The following KDM2A variants were observed in gnomAD, a reference collection of about 807,000 sequenced individuals.
KDM2A encodes the protein lysine-specific demethylase 2A.
In KDM2A, 3 loss-of-function variants were observed where a neutral mutation model predicts 137.3. That is an observed-to-expected ratio of 0.02 (90% confidence interval 0.01 to 0.06). The LOEUF (loss-of-function observed/expected upper bound fraction) is 0.06. KDM2A is among the 10% of genes least tolerant of loss of function. KDM2A has a pLI of 1.00. For synonymous variants in KDM2A, 512 were observed against 541.5 expected, an observed-to-expected ratio of 0.95 and a Z score of 0.76; for missense variants, 738 against 1,510.6, an observed-to-expected ratio of 0.49 and a Z score of 8.48.
intron 17 of KDM2A, 47 bp from the exon 18 acceptor site, chr11:67,252,646 TC>T (rs1230627868): frequency 1.2e-6 from 2 of 1,605,058 alleles, no homozygotes; most frequent in South Asian, 2.2e-5. Flanking sequence ...TGATGGGAGC[TC>T]CACTGATCAA....
chr11:67,194,913 G>A (rs1857441822), intron 5 of KDM2A, among the ~76,000 whole-genome samples: 1 of 152,172 alleles, frequency 6.6e-6, no homozygotes, highest in Non-Finnish European at 1.5e-5. Flanking sequence ...CTGGAGAGTG[G>A]ATGACTTCCT....
chr11:67,230,534 G>A (rs1403477625), intron 11 of KDM2A, among the ~76,000 whole-genome samples: 1 of 151,834 alleles, frequency 6.6e-6, no homozygotes, highest in African/African-American at 2.4e-5. Context: ...GCTATTGTGG[G>A]AGGATTGCTT....
At chr11:67,252,545 A>G (rs1326857422) in intron 17 of KDM2A, 149 bp from the exon 18 acceptor site, 1 of 871,272 alleles carries the variant, frequency 1.1e-6, no homozygotes, top group Non-Finnish European at 1.8e-6. Context: ...CTATTCTGTG[A>G]GGCAAAAAAT....
At chr11:67,150,076 C>T (rs1014255880) in intron 2 of KDM2A, among the ~76,000 whole-genome samples, 2 of 152,122 alleles carry the variant, frequency 1.3e-5, no homozygotes, top group East Asian at 1.9e-4. Flanking sequence ...TTCAACAATT[C>T]GTTGTGTAAT....
chr11:67,164,239 G>C (rs1338694935), intron 2 of KDM2A, among the ~76,000 whole-genome samples: 1 of 152,138 alleles, frequency 6.6e-6, no homozygotes, highest in Non-Finnish European at 1.5e-5. Context: ...TAATCCATTT[G>C]TTCTTCTGAT....
At chr11:67,181,287 A>G (rs754577818) in intron 3 of KDM2A, 33 bp from the exon 4 acceptor site, 2 of 1,412,178 alleles carry the variant, frequency 1.4e-6, no homozygotes, top group Non-Finnish European at 2.0e-6. Flanking sequence ...TAATTATACC[A>G]CTTATCTTTC....
intron 2 of KDM2A, 76 bp from the exon 3 acceptor site, chr11:67,180,003 T>G: frequency 6.9e-7 from 1 of 1,453,948 alleles, no homozygotes; most frequent in East Asian, 2.4e-5. Flanking sequence ...TTTGCACATG[T>G]AGGGAAATCT....
intron 2 of KDM2A, among the ~76,000 whole-genome samples, chr11:67,164,050 A>AG (rs2136319170): frequency 6.6e-6 from 1 of 152,238 alleles, no homozygotes; most frequent in South Asian, 2.1e-4. Context: ...TACTCTATAC[A>AG]GCCTCTTTTT....
chr11:67,123,298 T>C (rs2136275921), intron 2 of KDM2A, among the ~76,000 whole-genome samples: 1 of 144,176 alleles, frequency 6.9e-6, no homozygotes, highest in African/African-American at 2.8e-5. Context: ...TTTTTTTTTT[T>C]TTTGTGACTG....
rs1170186043 is a variant in KDM2A, at chr11:67,257,822, C to T, written c.*2767C>T. On this transcript the variant is annotated 3_prime_UTR_variant, in exon 21 of 21. Coordinates refer to ENST00000529006, the MANE Select transcript of KDM2A (RefSeq NM_012308.3). ...ATAAGTCTTATGCTATCTCAGTTGACACATTGAGGTTATTTTGGGCCAGAG... is the reference window on the plus strand; with the variant it reads ...ATAAGTCTTATGCTATCTCAGTTGATACATTGAGGTTATTTTGGGCCAGAG... 1 of 152,086 alleles carries T rather than the reference C, an allele frequency of 6.6e-6. No homozygotes were observed. The highest frequency in any genetic ancestry group is 6.5e-5 in the Admixed American group (1 of 15,276). 9.4% of individuals were successfully genotyped at this position (152,086 alleles called of 1,614,324 possible).
At chr11:67,157,548 C>A (rs1349370463) in intron 2 of KDM2A, among the ~76,000 whole-genome samples, 1 of 151,592 alleles carries the variant, frequency 6.6e-6, no homozygotes, top group Non-Finnish European at 1.5e-5. Context: ...GGTTCAAGAC[C>A]AGCCTGGCCA....
intron 5 of KDM2A, among the ~76,000 whole-genome samples, chr11:67,188,371 A>T (rs1857259232): frequency 6.7e-6 from 1 of 148,788 alleles, no homozygotes; most frequent in South Asian, 2.1e-4. Context: ...AGTCCCAGCG[A>T]CTCGGGAGGC....
rs1331235451 is a variant in KDM2A at position 67,255,530 on chromosome 11, T to C, written c.*475T>C. Reference sequence around the variant, plus strand: ...CTCTCCTCCATCACACTCTCCCGGCTTGCGCAGGAGGGGCCAGCAGCCCCA... The same window carrying C: ...CTCTCCTCCATCACACTCTCCCGGCCTGCGCAGGAGGGGCCAGCAGCCCCA... On this transcript the variant is annotated 3_prime_UTR_variant, in exon 21 of 21. Coordinates refer to ENST00000529006, the MANE Select transcript of KDM2A (RefSeq NM_012308.3). 4 of 456,952 alleles carry C rather than the reference T, an allele frequency of 8.8e-6. No homozygotes were observed. The Admixed American group carries it at 9.4e-5, about 11-fold the overall frequency. The allele number at this position is 456,952 out of a possible 1,614,324, so 28.3% of individuals were successfully genotyped here. A position where few individuals can be genotyped will look rare whatever the true frequency, so the allele number is the denominator to read the frequency against.
At chr11:67,182,102 C>G (rs888024001) in intron 5 of KDM2A, among the ~76,000 whole-genome samples, 4 of 152,208 alleles carry the variant, frequency 2.6e-5, no homozygotes, top group African/African-American at 9.6e-5. Flanking sequence ...GTTGGAACCT[C>G]TTTTTCCTAC....
At chr11:67,225,468 T>C (rs1314541500) in intron 10 of KDM2A, among the ~76,000 whole-genome samples, 1 of 151,386 alleles carries the variant, frequency 6.6e-6, no homozygotes, top group Admixed American at 6.6e-5. Context: ...AAACCCCGTC[T>C]CTACTAAAAA....
chr11:67,119,709 C>CT lies in KDM2A; in HGVS notation c.-424_-423insT, dbSNP rs1855552952. 6.7e-6 allele frequency: 1 copy of CT among 149,794 alleles called. No homozygotes were observed. Among genetic ancestry groups the CT allele is most frequent in the Admixed American group, 6.6e-5 (1 of 15,098 alleles). The allele number at this position is 149,794 out of a possible 1,614,324, so 9.3% of individuals were successfully genotyped here. The stretch of plus-strand genomic sequence containing the variant: ...CCCGCAGGCGACCAGCCCCTGCTGG[C>CT]CGAGGGCACGGCGAGGAGGGCGCTC... On this transcript the variant is annotated 5_prime_UTR_variant, in exon 1 of 21. Transcript: ENST00000529006.
chr11:67,195,072 A>G (rs1857444373), intron 5 of KDM2A, among the ~76,000 whole-genome samples: 1 of 152,202 alleles, frequency 6.6e-6, no homozygotes, highest in Non-Finnish European at 1.5e-5. Flanking sequence ...GACAGAGGCA[A>G]TAACCTAAAG....
At chr11:67,127,750 G>A (rs996745375) in intron 2 of KDM2A, among the ~76,000 whole-genome samples, 1 of 151,756 alleles carries the variant, frequency 6.6e-6, no homozygotes, top group Non-Finnish European at 1.5e-5. Flanking sequence ...TCTTGTTGCC[G>A]AGGCTGGAGT....
At chr11:67,224,090 A>G (rs2136411389) in intron 10 of KDM2A, among the ~76,000 whole-genome samples, 1 of 152,318 alleles carries the variant, frequency 6.6e-6, no homozygotes, top group Non-Finnish European at 1.5e-5. Flanking sequence ...GGGGAGAGTG[A>G]TCTCCTTATT....
Sources: allele counts gnomAD v4.1 joint callset (sites outside exome capture counted in the v4.1 genomes callset), GRCh38; gene constraint gnomAD v4.1.1; transcripts MANE v1.5; gene names NCBI Gene and HGNC (gene_info 2026-07-23, HGNC 2026-07-21).